Variants in TMEM178B observed in about 807,000 individuals in gnomAD.
TMEM178B encodes the protein transmembrane protein 178B.
TMEM178B carries 5 observed loss-of-function variants against 31.0 expected under a neutral mutation model. The observed-to-expected ratio is 0.16, with a 90% CI of 0.08 to 0.34. The LOEUF is 0.34. Ranked by LOEUF, TMEM178B falls within the 10% of genes least tolerant of loss-of-function variation. The probability of loss-of-function intolerance (pLI) is 1.00; values close to 1 mark genes in which losing one functional copy is unlikely to be tolerated. For synonymous variants in TMEM178B, 164 were observed against 164.0 expected (o/e 1.00, Z 0.00); for missense variants, 275 against 400.3 (o/e 0.69, Z 2.67).
intron 2 of TMEM178B, among the ~76,000 whole-genome samples, chr7:141,365,995 C>A (rs1799997450): frequency 6.6e-6 from 1 of 152,184 alleles, no homozygotes; most frequent in African/African-American, 2.4e-5. Flanking sequence ...TTGTCTGCCT[C>A]TCCCATCTCT....
the TMEM178B span, among the ~76,000 whole-genome samples, chr7:141,509,949 A>G: frequency 6.6e-6 from 1 of 152,218 alleles, no homozygotes; most frequent in Non-Finnish European, 1.5e-5. Context: ...TCTATTATCT[A>G]AAGACAGTCA....
intron 2 of TMEM178B, among the ~76,000 whole-genome samples, chr7:141,266,434 T>A (rs1251832881): frequency 1.3e-5 from 2 of 152,202 alleles, no homozygotes; most frequent in African/African-American, 4.8e-5. Flanking sequence ...GTGTAACTGC[T>A]TTCTCAACAG....
At chr7:141,098,912 C>T (rs1795007987) in intron 1 of TMEM178B, among the ~76,000 whole-genome samples, 1 of 152,142 alleles carries the variant, frequency 6.6e-6, no homozygotes, top group African/African-American at 2.4e-5. Flanking sequence ...GAAGTTTACC[C>T]TTTTAATAAT....
At chr7:141,177,690 A>T (rs1796456072) in intron 1 of TMEM178B, among the ~76,000 whole-genome samples, 1 of 152,120 alleles carries the variant, frequency 6.6e-6, no homozygotes, top group Non-Finnish European at 1.5e-5. Flanking sequence ...TCCCTTTACC[A>T]TTATGTAATG....
At chr7:141,353,628 G>C (rs1233913042) in intron 2 of TMEM178B, among the ~76,000 whole-genome samples, 2 of 152,174 alleles carry the variant, frequency 1.3e-5, no homozygotes, top group Non-Finnish European at 2.9e-5. Flanking sequence ...GATGACTTCA[G>C]ACTTCCATTC....
chr7:141,500,837 A>G, the TMEM178B span, among the ~76,000 whole-genome samples: 3 of 152,172 alleles, frequency 2.0e-5, no homozygotes, highest in Non-Finnish European at 4.4e-5. Context: ...CTACTTTCCA[A>G]AGATCTTTGC....
intron 2 of TMEM178B, among the ~76,000 whole-genome samples, chr7:141,268,256 G>A (rs1288901297): frequency 6.6e-6 from 1 of 152,174 alleles, no homozygotes; most frequent in Non-Finnish European, 1.5e-5. Flanking sequence ...TGTTAAAATT[G>A]AAGCAAGAAC....
chr7:141,240,604 A>T (rs1384644642), intron 2 of TMEM178B, among the ~76,000 whole-genome samples: 1 of 152,254 alleles, frequency 6.6e-6, no homozygotes, highest in African/African-American at 2.4e-5. Flanking sequence ...TTCTGGGTAA[A>T]ACTATTTAAT....
chr7:141,483,405 C>T (rs761902895), downstream of TMEM178B, among the ~76,000 whole-genome samples: 2 of 152,226 alleles, frequency 1.3e-5, no homozygotes, highest in Non-Finnish European at 2.9e-5. Context: ...TCTCCTTTCT[C>T]TCTGCTTCTT....
intron 2 of TMEM178B, among the ~76,000 whole-genome samples, chr7:141,288,343 AT>A (rs1027943718): frequency 2.0e-5 from 3 of 151,566 alleles, no homozygotes; most frequent in African/African-American, 7.3e-5. Context: ...TTTTCCATTC[AT>A]TTTTTTCTCA....
At chr7:141,081,729 G>C (rs1794690061) in intron 1 of TMEM178B, among the ~76,000 whole-genome samples, 1 of 152,160 alleles carries the variant, frequency 6.6e-6, no homozygotes, top group Non-Finnish European at 1.5e-5. Context: ...TCTACAGTGA[G>C]CTGAGGTTAT....
chr7:141,159,827 G>A (rs1796139289), intron 1 of TMEM178B, among the ~76,000 whole-genome samples: 1 of 151,972 alleles, frequency 6.6e-6, no homozygotes, highest in Admixed American at 6.6e-5. Flanking sequence ...GAGGAATGGG[G>A]AGTTGTTTAA....
intron 1 of TMEM178B, among the ~76,000 whole-genome samples, chr7:141,133,531 C>G (rs1426178519): frequency 1.3e-5 from 2 of 151,786 alleles, no homozygotes; most frequent in Non-Finnish European, 2.9e-5. Context: ...TTGAAATAAC[C>G]CAGTCAGACT....
intron 2 of TMEM178B, among the ~76,000 whole-genome samples, chr7:141,309,637 A>G (rs1337278742): frequency 6.6e-6 from 1 of 152,178 alleles, no homozygotes; most frequent in Non-Finnish European, 1.5e-5. Flanking sequence ...TGATAAACTA[A>G]AAAAGTTTAC....
chr7:141,188,937 C>T (rs1432799845), intron 1 of TMEM178B, among the ~76,000 whole-genome samples: 1 of 152,210 alleles, frequency 6.6e-6, no homozygotes, highest in African/African-American at 2.4e-5. Context: ...AATCCAGCCG[C>T]CTGAGGAAGG....
chr7:141,140,252 T>G (rs971925828), intron 1 of TMEM178B, among the ~76,000 whole-genome samples: 2 of 152,214 alleles, frequency 1.3e-5, no homozygotes, highest in African/African-American at 2.4e-5. Context: ...ATGAACTGTT[T>G]CCGAAGATCT....
At chr7:141,083,114 A>G (rs1214336565) in intron 1 of TMEM178B, among the ~76,000 whole-genome samples, 3 of 152,098 alleles carry the variant, frequency 2.0e-5, no homozygotes, top group Non-Finnish European at 4.4e-5. Flanking sequence ...CTCCCCCCAC[A>G]CACATCTAGA....
intron 2 of TMEM178B, among the ~76,000 whole-genome samples, chr7:141,415,847 G>T (rs1438543204): frequency 6.6e-6 from 1 of 152,194 alleles, no homozygotes; most frequent in Non-Finnish European, 1.5e-5. Flanking sequence ...GAGAGATGTG[G>T]ATCAGAAGCC....
At chr7:141,500,083 A>G in the TMEM178B span, among the ~76,000 whole-genome samples, 22 of 152,316 alleles carry the variant, frequency 1.4e-4, no homozygotes, top group South Asian at 4.1e-3. Context: ...AAAACTGTGT[A>G]TAGAGGAGAG....
Sources: allele counts gnomAD v4.1 joint callset (sites outside exome capture counted in the v4.1 genomes callset), GRCh38; gene constraint gnomAD v4.1.1; transcripts MANE v1.5; gene names NCBI Gene and HGNC (gene_info 2026-07-23, HGNC 2026-07-21).